The following FMNL2 variants were observed in gnomAD, a reference collection of about 807,000 sequenced individuals.
The protein encoded by FMNL2 is formin like 2, also known as formin-like protein 2.
In FMNL2, 51 loss-of-function variants were observed where a neutral mutation model predicts 130.2. That is an observed-to-expected ratio of 0.39 (90% CI 0.31 to 0.49). The LOEUF is 0.49. Among genes scored for constraint, FMNL2 ranks in the 20% least tolerant of loss-of-function variants. The pLI is 0.85. For missense variants in FMNL2, 977 were observed against 1,316.2 expected (o/e 0.74, Z 3.99); for synonymous variants, 465 against 467.1 (o/e 1.00, Z 0.06).
chr2:152,364,338 GTT>G (rs1168929986), intron 1 of FMNL2, among the ~76,000 whole-genome samples: 1 of 66,214 alleles, frequency 1.5e-5, no homozygotes, highest in African/African-American at 7.4e-5. Flanking sequence ...AACAAATTTT[GTT>G]TTTTATTTAC....
In FMNL2 at chr2:152,472,923, C is replaced by G. The variant is rs143295789; in HGVS notation, c.118-49020C>G. On this transcript the variant is annotated intron_variant, in intron 1 of 25. Transcript: ENST00000288670. ...TTTAAAAATAGAAGTTTAAGGAACTCGTGAATACAAGTTCTTCCTTTGGGC... is the reference window on the plus strand; with the variant it reads ...TTTAAAAATAGAAGTTTAAGGAACTGGTGAATACAAGTTCTTCCTTTGGGC... 9.5e-4 allele frequency among the ~76,000 whole-genome samples: 144 copies of G among 152,292 alleles called. 2 individuals are homozygous for G. In the East Asian group the frequency reaches 0.021, roughly 23 times the overall value.
rs533958045 is a variant in FMNL2, at chr2:152,479,854, G to A, written c.118-42089G>A. 4.0e-5 allele frequency among the ~76,000 whole-genome samples: 6 copies of A among 151,750 alleles called. No individual in the cohort carries two copies. The South Asian group carries it at 1.3e-3, about 32-fold the overall frequency. On this transcript the variant is annotated intron_variant, in intron 1 of 25. Coordinates refer to ENST00000288670, the MANE Select transcript of FMNL2 (RefSeq NM_052905.4). The stretch of plus-strand genomic sequence containing the variant: ...GCCTCCCGAGTAGCTGGCACTACAG[G>A]CACGTGCCACCGCACCTGGTTAATT...
intron 1 of FMNL2, among the ~76,000 whole-genome samples, chr2:152,422,366 G>T (rs1416016988): frequency 1.3e-5 from 2 of 152,142 alleles, no homozygotes; most frequent in African/African-American, 4.8e-5. Flanking sequence ...CCTGAAGGGG[G>T]ACCAGGAATA....
At chr2:152,385,722 T>C (rs1684742811) in intron 1 of FMNL2, among the ~76,000 whole-genome samples, 1 of 152,246 alleles carries the variant, frequency 6.6e-6, no homozygotes, top group South Asian at 2.1e-4. Context: ...TACTGCTTTC[T>C]ACTATTAATT....
At chr2:152,591,236 C>G (rs934603606) in intron 9 of FMNL2, among the ~76,000 whole-genome samples, 1 of 151,870 alleles carries the variant, frequency 6.6e-6, no homozygotes, top group African/African-American at 2.4e-5. Context: ...GTCTCGAACT[C>G]CTGACTTCGT....
chr2:152,414,210 A>G (rs1192248287), intron 1 of FMNL2, among the ~76,000 whole-genome samples: 2 of 152,104 alleles, frequency 1.3e-5, no homozygotes, highest in African/African-American at 4.8e-5. Context: ...TCTTGTGGTT[A>G]TCCTACAGAT....
At chr2:152,628,763 C>T (rs186491687) in intron 18 of FMNL2, among the ~76,000 whole-genome samples, 1 of 152,106 alleles carries the variant, frequency 6.6e-6, no homozygotes, top group Admixed American at 6.6e-5. Flanking sequence ...GAAAGAATGC[C>T]ATTTTTTGTG....
chr2:152,484,108 C>T (rs981671718), intron 1 of FMNL2, among the ~76,000 whole-genome samples: 19 of 152,130 alleles, frequency 1.2e-4, no homozygotes, highest in African/African-American at 4.6e-4. Context: ...CGGTAATGGC[C>T]CTGATCCCTT....
intron 1 of FMNL2, among the ~76,000 whole-genome samples, chr2:152,426,548 C>T (rs1467917370): frequency 6.6e-6 from 1 of 152,202 alleles, no homozygotes; most frequent in Non-Finnish European, 1.5e-5. Flanking sequence ...CGTACTCAGA[C>T]TTGATGTGAA....
chr2:152,496,681 C>G (rs1419828008), intron 1 of FMNL2, among the ~76,000 whole-genome samples: 1 of 152,134 alleles, frequency 6.6e-6, no homozygotes, highest in Non-Finnish European at 1.5e-5. Context: ...GCTATTCCTT[C>G]TCCTCTTATT....
Position 152,590,297 on chromosome 2 carries a change from C to T in FMNL2, c.876+9248C>T, listed in dbSNP as rs1310637929. Among the ~76,000 whole-genome samples the T allele has an allele frequency of 2.0e-5, 3 of 151,920 alleles. No homozygotes were observed. The East Asian group carries it at 5.8e-4, about 29-fold the overall frequency. On this transcript the variant is annotated intron_variant, in intron 9 of 25. Coordinates refer to ENST00000288670, the MANE Select transcript of FMNL2 (RefSeq NM_052905.4). ...ATTTTAGCAGTTATTTAGTCCAGTA[C>T]TAAGCCCTACACACAGGGTTATATT...
chr2:152,627,111 TG>T (rs1681847283), intron 17 of FMNL2, among the ~76,000 whole-genome samples: 1 of 152,164 alleles, frequency 6.6e-6, no homozygotes, highest in Non-Finnish European at 1.5e-5. Flanking sequence ...AGGTAGAAAA[TG>T]TCAGTTTTCT....
chr2:152,620,478 C>T (rs148885992), intron 15 of FMNL2, among the ~76,000 whole-genome samples: 76 of 152,276 alleles, frequency 5.0e-4, no homozygotes, highest in Non-Finnish European at 3.4e-4. Flanking sequence ...GCCGTTTTCT[C>T]AGTCCTGAAG....
At chr2:152,551,254 A>C (rs1260200056) in intron 4 of FMNL2, among the ~76,000 whole-genome samples, 5 of 152,200 alleles carry the variant, frequency 3.3e-5, no homozygotes, top group Non-Finnish European at 5.9e-5. Context: ...TGAATAGAAG[A>C]ACCTTGGTTG....
chr2:152,352,147 A>G (rs1034979101), intron 1 of FMNL2, among the ~76,000 whole-genome samples: 20 of 152,222 alleles, frequency 1.3e-4, no homozygotes, highest in African/African-American at 4.8e-4. Flanking sequence ...CGATATCAGA[A>G]TAAGTCTTTA....
At chr2:152,628,276 A>T in intron 17 of FMNL2, 23 bp from the exon 18 acceptor site, 1 of 1,605,246 alleles carries the variant, frequency 6.2e-7, no homozygotes, top group Non-Finnish European at 8.5e-7. Context: ...CTCTAATGCT[A>T]ATCTCTCCAC....
intron 9 of FMNL2, among the ~76,000 whole-genome samples, chr2:152,595,509 G>T (rs1192370275): frequency 1.3e-5 from 2 of 152,120 alleles, no homozygotes; most frequent in East Asian, 3.9e-4. Flanking sequence ...AGTAGAGACG[G>T]GGTTTTGCCA....
At chr2:152,625,378 G>T in intron 15 of FMNL2, 60 bp from the exon 16 acceptor site, 1 of 1,558,062 alleles carries the variant, frequency 6.4e-7, no homozygotes. Context: ...TTGTCTGATT[G>T]TTCCTGAGGG....
At chr2:152,342,832 G>C (rs1681888540) in intron 1 of FMNL2, among the ~76,000 whole-genome samples, 1 of 152,178 alleles carries the variant, frequency 6.6e-6, no homozygotes, top group South Asian at 2.1e-4. Context: ...AGACGGGCTT[G>C]GAATTCTGAA....
Sources: gnomAD v4.1 joint callset for allele counts (sites outside exome capture counted in the v4.1 genomes callset) on GRCh38, gnomAD v4.1.1 for gene constraint, MANE v1.5 for transcripts, NCBI Gene and HGNC (gene_info 2026-07-23, HGNC 2026-07-21) for gene names.